Variants in ATP7B observed in about 807,000 individuals in gnomAD.
ATP7B encodes copper-transporting ATPase 2.
Under a neutral mutation model 118.9 loss-of-function variants are expected in ATP7B, and 113 were observed. That is an observed-to-expected ratio of 0.95 (90% CI 0.82 to 1.11). The LOEUF is 1.11. Among genes scored for constraint, ATP7B ranks in the 50% most tolerant of loss-of-function variants. The pLI, the probability that ATP7B is intolerant of heterozygous loss-of-function variation, is 0.00. For missense variants in ATP7B, 1,867 were observed against 1,871.4 expected (o/e 1.00, Z 0.04); for synonymous variants, 777 against 727.4 (o/e 1.07, Z -1.10).
At chr13:51,940,830 CACAG>C (rs1398870999) in intron 16 of ATP7B, among the ~76,000 whole-genome samples, 14 of 152,010 alleles carry the variant, frequency 9.2e-5, no homozygotes, top group Non-Finnish European at 1.6e-4. Context: ...ATGATGATGA[CACAG>C]ACAGTTTAGA....
intron 7 of ATP7B, 49 bp from the exon 8 acceptor site, chr13:51,958,593 C>A: frequency 1.3e-6 from 2 of 1,540,866 alleles, no homozygotes; most frequent in South Asian, 2.2e-5. Context: ...GAGGAGAGTT[C>A]AATGAGCGAC....
At position 51,974,560 on chromosome 13, in the gene ATP7B, T is replaced by C. The variant is rs1323828257; in HGVS notation, c.660A>G (p.Gly220=). 2 of 1,614,184 alleles carry C rather than the reference T, an allele frequency of 1.2e-6. No individual in the cohort carries two copies. The highest frequency in any genetic ancestry group is 1.7e-5 in the Admixed American group (1 of 60,030). ...IKSKVAPLSL[G]PIDIERLQST... is the part of the protein sequence containing the mutation. ...TTTGTAACCGCTCAATATCAATTGG[T>C]CCCAGGCTTAAGGGAGCCACTTTGC... The change falls in exon 2 of 21, where the codon GGA becomes GGG. Residue 220 remains glycine, a synonymous_variant. Coordinates refer to ENST00000242839, the MANE Select transcript of ATP7B (RefSeq NM_000053.4).
At position 51,949,718 on chromosome 13, in the gene ATP7B, CCAA is replaced by C; in HGVS notation, c.2806_2808del (p.Leu936del). 6.2e-7 allele frequency: 1 copy of C among 1,614,080 alleles called. No homozygotes were observed. Among genetic ancestry groups the C allele is most frequent in the Non-Finnish European group, 8.5e-7 (1 of 1,180,014 alleles). On this transcript the variant is annotated inframe_deletion, in exon 12 of 21. Transcript: ENST00000242839. ...ATAAAACCGATTACAATCCATACCA[CCAA>C]CGTCAAAGTTGACATGATGATGATA...
intron 1 of ATP7B, among the ~76,000 whole-genome samples, chr13:51,981,780 T>C (rs181475794): frequency 1.3e-3 from 196 of 152,338 alleles, no homozygotes; most frequent in Non-Finnish European, 1.2e-3. Context: ...TATGAAATAC[T>C]GATTTTTAAA....
At chr13:52,007,368 TACTTA>T (rs1463204668) in intron 1 of ATP7B, among the ~76,000 whole-genome samples, 1 of 152,162 alleles carries the variant, frequency 6.6e-6, no homozygotes, top group Non-Finnish European at 1.5e-5. Context: ...TCGGGCAAGT[TACTTA>T]ACTTGTGTCT....
chr13:51,936,176 C>T (rs1425960110), intron 19 of ATP7B, among the ~76,000 whole-genome samples: 2 of 152,202 alleles, frequency 1.3e-5, no homozygotes, highest in African/African-American at 4.8e-5. Context: ...GGTCCCAGGA[C>T]AGGGTCAGGA....
chr13:51,940,007 T>C (rs1425833881), intron 16 of ATP7B, among the ~76,000 whole-genome samples: 26 of 128,594 alleles, frequency 2.0e-4, no homozygotes, highest in Non-Finnish European at 3.8e-4. Context: ...AGTCTTTTTT[T>C]TTTTTTTTTT....
Position 51,974,909 on chromosome 13 carries a change from G to A in ATP7B, c.311C>T (p.Pro104Leu), listed in dbSNP as rs1252338037. The change falls in exon 2 of 21, where the codon CCA becomes CTA. Residue 104 changes from proline to leucine, a missense_variant. Coordinates refer to ENST00000242839, the MANE Select transcript of ATP7B (RefSeq NM_000053.4). ...AACCTGTTGCAGGCACACAACCGAT[G>A]GCACATATTTCACAGTGGCACTGCC... The part of the protein sequence containing the change: ...EQGSATVKYV[P>L]SVVCLQQVCH... 7 of 1,614,194 alleles carry A rather than the reference G, an allele frequency of 4.3e-6. No individual in the cohort carries two copies. In the South Asian group the frequency reaches 7.7e-5, roughly 18 times the overall value.
Position 51,937,462 on chromosome 13 carries a change from G to A in ATP7B, c.3903+14C>T, listed in dbSNP as rs1957037011. The A allele has an allele frequency of 3.1e-6, 5 of 1,614,120 alleles. No homozygotes were observed. The East Asian group carries it at 6.7e-5, about 22-fold the overall frequency. ...CCCTCCCAGCACCCACAGCCTGGCT[G>A]CAGCCACGCTCACTCTGATAAGGAC... is the stretch of plus-strand genomic sequence containing the variant. On this transcript the variant is annotated intron_variant, in intron 18 of 20. Coordinates refer to ENST00000242839, the MANE Select transcript of ATP7B (RefSeq NM_000053.4).
intron 8 of ATP7B, 193 bp downstream of exon 8, chr13:51,958,118 T>A: frequency 3.1e-6 from 2 of 647,302 alleles, no homozygotes; most frequent in Non-Finnish European, 2.7e-6. Context: ...TTAACCAGAT[T>A]AGCTGGGATT....
At chr13:51,951,694 G>GGAT (rs923741017) in intron 9 of ATP7B, among the ~76,000 whole-genome samples, 2 of 152,264 alleles carry the variant, frequency 1.3e-5, no homozygotes, top group Middle Eastern at 3.4e-3. Context: ...ATGAGAGTGG[G>GGAT]GATGAGGAGG....
chr13:51,983,325 G>A (rs1464469616), intron 1 of ATP7B, among the ~76,000 whole-genome samples: 1 of 152,122 alleles, frequency 6.6e-6, no homozygotes, highest in African/African-American at 2.4e-5. Context: ...GGAGCCCTCC[G>A]CAGCTCAGCA....
intron 2 of ATP7B, 38 bp from the exon 3 acceptor site, chr13:51,970,787 G>A: frequency 6.2e-7 from 1 of 1,605,746 alleles, no homozygotes; most frequent in Non-Finnish European, 8.5e-7. Context: ...AATTAGAAGA[G>A]CAAATAATAT....
chr13:51,958,259 AGATTTGTTT>A, intron 8 of ATP7B, 43 bp downstream of exon 8: 1 of 1,563,692 alleles, frequency 6.4e-7, no homozygotes, highest in Non-Finnish European at 8.8e-7. Flanking sequence ...AGAGGAAGTG[AGATTTGTTT>A]ACTGAAGGAG....
rs554234394 is a variant in ATP7B, at chr13:51,974,983, C to A, written c.237G>T (p.Arg79Ser). Residue 79 changes from arginine to serine, a missense_variant, in exon 2 of 21, where the codon AGG becomes AGT. Arg to Ser is a moderately radical substitution (Grantham distance 110). Coordinates refer to ENST00000242839, the MANE Select transcript of ATP7B (RefSeq NM_000053.4). The part of the protein sequence containing the change: ...CQSCVKSIED[R>S]ISNLKGIISM... ...TGATGATGCCTTTCAAATTGGAAAT[C>A]CTGTCCTCAATGGACTTCACACATG... 2 of 1,614,222 alleles carry A rather than the reference C, an allele frequency of 1.2e-6. No individual in the cohort carries two copies. Among genetic ancestry groups the A allele is most frequent in the African/African-American group, 2.7e-5 (2 of 75,054 alleles).
intron 1 of ATP7B, among the ~76,000 whole-genome samples, chr13:51,993,432 A>G (rs1169910152): frequency 6.6e-6 from 1 of 152,122 alleles, no homozygotes; most frequent in Non-Finnish European, 1.5e-5. Flanking sequence ...AAATGGTGGC[A>G]TGCACCTGTG....
intron 1 of ATP7B, among the ~76,000 whole-genome samples, chr13:51,993,296 G>C (rs576548937): frequency 6.6e-6 from 1 of 150,958 alleles, no homozygotes; most frequent in Non-Finnish European, 1.5e-5. Flanking sequence ...TGCCAGGCAC[G>C]GTGGCTCACA....
At chr13:51,983,068 G>A (rs1479015661) in intron 1 of ATP7B, among the ~76,000 whole-genome samples, 1 of 152,088 alleles carries the variant, frequency 6.6e-6, no homozygotes, top group East Asian at 1.9e-4. Flanking sequence ...AGACAGAACC[G>A]TTCACTCGCC....
At chr13:52,012,101 A>C, upstream of ATP7B, 2 of 523,580 alleles carry the variant, frequency 3.8e-6, no homozygotes, top group Admixed American at 3.3e-5. Flanking sequence ...ACGGGGGCGC[A>C]GGCGCCCAGG....
Sources: allele counts gnomAD v4.1 joint callset (sites outside exome capture counted in the v4.1 genomes callset), GRCh38; gene constraint gnomAD v4.1.1; transcripts MANE v1.5; gene names NCBI Gene and HGNC (gene_info 2026-07-23, HGNC 2026-07-21).